GATA4: variants seen among roughly 807,000 people sequenced by gnomAD.
The protein encoded by GATA4 is GATA binding protein 4, also known as transcription factor GATA-4.
Under a neutral mutation model 37.9 loss-of-function variants are expected in GATA4, and 7 were observed. The observed-to-expected ratio is 0.18, with a 90% CI of 0.11 to 0.35. The LOEUF is 0.35. GATA4 is among the 10% of genes least tolerant of loss of function. The pLI is 1.00. For missense variants in GATA4, 647 were observed against 653.0 expected, an observed-to-expected ratio of 0.99 and a Z score of 0.10; for synonymous variants, 372 against 292.6, an observed-to-expected ratio of 1.27 and a Z score of -2.77.
intron 1 of GATA4, among the ~76,000 whole-genome samples, chr8:11,679,615 C>T (rs969807218): frequency 6.6e-6 from 1 of 152,168 alleles, no homozygotes; most frequent in African/African-American, 2.4e-5. Context: ...GCCTGGGCCC[C>T]CCACCTGCCC....
chr8:11,753,909 T>C (rs757857576), intron 4 of GATA4, among the ~76,000 whole-genome samples: 181 of 152,278 alleles, frequency 1.2e-3, no homozygotes, highest in Non-Finnish European at 1.3e-3. Flanking sequence ...AAACCAGATG[T>C]GGGGAAGGCA....
chr8:11,689,885 T>C (rs1289782058), upstream of GATA4, among the ~76,000 whole-genome samples: 1 of 152,052 alleles, frequency 6.6e-6, no homozygotes, highest in Non-Finnish European at 1.5e-5. Context: ...AGAGGGGAGG[T>C]ATCAATTCCT....
upstream of GATA4, among the ~76,000 whole-genome samples, chr8:11,689,378 CTGA>C (rs1477281881): frequency 2.0e-5 from 3 of 152,154 alleles, no homozygotes; most frequent in African/African-American, 7.2e-5. Flanking sequence ...GTGTATATCA[CTGA>C]TGATTACCCA....
At position 11,758,575 on chromosome 8, in the gene GATA4, G is replaced by T; in HGVS notation, c.*100G>T. On this transcript the variant is annotated 3_prime_UTR_variant, in exon 7 of 7. Transcript: ENST00000532059. ...CCCAGGGGCCGGCCTCCTCTGCCTG[G>T]TAATGACTCCAGAACAACAACTGGG... The T allele has an allele frequency of 8.8e-7, 1 of 1,130,854 alleles. No homozygotes were observed. The highest frequency in any genetic ancestry group is 1.3e-6 in the Non-Finnish European group (1 of 747,306). The allele number at this position is 1,130,854 out of a possible 1,614,324, so 70.1% of individuals were successfully genotyped here.
chr8:11,707,040 C>A lies in GATA4; in HGVS notation c.-457-816C>A, dbSNP rs1280761033. Among the ~76,000 whole-genome samples, 1 of 152,122 alleles carries A rather than the reference C, an allele frequency of 6.6e-6. No homozygotes were observed. Among genetic ancestry groups the A allele is most frequent in the Non-Finnish European group, 1.5e-5 (1 of 68,026 alleles). On this transcript the variant is annotated intron_variant, in intron 1 of 6. Coordinates refer to ENST00000532059, the MANE Select transcript of GATA4 (RefSeq NM_001308093.3). The surrounding 1 kb of genome is among the most constrained non-coding windows in gnomAD (Gnocchi z 4.7). Reference sequence around the variant, plus strand: ...CACCCACCTTGGTGTTATGATTCTGCTTATGGGTGGATTTATTATTCTATA... The same window carrying A: ...CACCCACCTTGGTGTTATGATTCTGATTATGGGTGGATTTATTATTCTATA...
At chr8:11,697,839 C>T (rs1423785122) in intron 1 of GATA4, 4 of 985,448 alleles carry the variant, frequency 4.1e-6, no homozygotes, top group Non-Finnish European at 4.8e-6. Flanking sequence ...CCGGCCACCA[C>T]GGGGCGGAGG....
At chr8:11,740,602 G>A (rs1262084307) in intron 2 of GATA4, among the ~76,000 whole-genome samples, 1 of 152,252 alleles carries the variant, frequency 6.6e-6, no homozygotes, top group African/African-American at 2.4e-5. Context: ...ACCTGAGGGT[G>A]ACAGCTGGCA....
At chr8:11,686,347 A>G (rs1212980268) in intron 1 of GATA4, among the ~76,000 whole-genome samples, 5 of 152,176 alleles carry the variant, frequency 3.3e-5, no homozygotes, top group African/African-American at 9.7e-5. Flanking sequence ...TGAATATAGC[A>G]TGAAATATAA....
At chr8:11,744,422 T>G (rs1413921259) in intron 2 of GATA4, among the ~76,000 whole-genome samples, 1 of 152,198 alleles carries the variant, frequency 6.6e-6, no homozygotes, top group Non-Finnish European at 1.5e-5. Context: ...GTTCCCGGGA[T>G]GCCAGCACTG....
At chr8:11,686,732 G>C (rs555787593) in intron 1 of GATA4, among the ~76,000 whole-genome samples, 1 of 152,294 alleles carries the variant, frequency 6.6e-6, no homozygotes. Context: ...GGGCGCAGTA[G>C]CTCATGCCTC....
chr8:11,708,847 G>GCCT lies in GATA4; in HGVS notation c.538_540dup (p.Ser180dup). 6.7e-7 allele frequency: 1 copy of GCCT among 1,498,048 alleles called. No homozygotes were observed. Among genetic ancestry groups the GCCT allele is most frequent in the Non-Finnish European group, 8.8e-7 (1 of 1,131,504 alleles). The allele number at this position is 1,498,048 out of a possible 1,614,324, so 92.8% of individuals were successfully genotyped here. On this transcript the variant is annotated inframe_insertion, in exon 2 of 7. Transcript: ENST00000532059. The surrounding 1 kb of genome is among the most constrained non-coding windows in gnomAD (Gnocchi z 6.7). ...CGCGTCCTGGGCCGCAGCCGCCGCC[G>GCCT]CCTCCGCCGGCCCCTTCGACAGCCC...
intron 1 of GATA4, among the ~76,000 whole-genome samples, chr8:11,681,827 G>T (rs1487402649): frequency 2.0e-5 from 3 of 152,016 alleles, no homozygotes; most frequent in African/African-American, 7.3e-5. Flanking sequence ...TCTTGGCCGT[G>T]GGCAGACCCG....
At chr8:11,694,842 T>C (rs1053108904) in intron 1 of GATA4, among the ~76,000 whole-genome samples, 1 of 150,882 alleles carries the variant, frequency 6.6e-6, no homozygotes, top group Admixed American at 6.6e-5. Context: ...ATCTCTCTCC[T>C]CTCTCTCTCT....
chr8:11,747,928 A>G (rs1290167548), intron 2 of GATA4, among the ~76,000 whole-genome samples: 2 of 152,232 alleles, frequency 1.3e-5, no homozygotes, highest in Non-Finnish European at 2.9e-5. Context: ...TGGCAAAAAT[A>G]TGGATCAACA....
upstream of GATA4, among the ~76,000 whole-genome samples, chr8:11,702,476 C>G (rs371415436): frequency 6.6e-6 from 1 of 151,720 alleles, no homozygotes; most frequent in African/African-American, 2.4e-5. The surrounding 1 kb of genome is among the most constrained non-coding windows in gnomAD (Gnocchi z 4.4). Flanking sequence ...GCTCGCCCCC[C>G]ACGAAGATGA....
chr8:11,689,968 A>G (rs2129970548), upstream of GATA4, among the ~76,000 whole-genome samples: 1 of 152,352 alleles, frequency 6.6e-6, no homozygotes, highest in East Asian at 1.9e-4. Context: ...TGTGCTGGTA[A>G]ATAGGTGTGT....
chr8:11,691,970 A>G (rs79128410), upstream of GATA4: 217 of 977,354 alleles, frequency 2.2e-4, 2 homozygotes, highest in East Asian at 0.019. Flanking sequence ...GTTGCTTACA[A>G]TGTTGACTTT....
At chr8:11,757,642 G>A (rs971910542) in intron 6 of GATA4, among the ~76,000 whole-genome samples, 2 of 152,236 alleles carry the variant, frequency 1.3e-5, no homozygotes, top group African/African-American at 4.8e-5. Context: ...GGCTGGTGGG[G>A]AGGTCACAGG....
At chr8:11,681,452 G>A in intron 1 of GATA4, 7 of 984,202 alleles carry the variant, frequency 7.1e-6, no homozygotes, top group Non-Finnish European at 8.4e-6. Flanking sequence ...CGCAGACGCC[G>A]GAATCCGGGG....
Sources: allele counts gnomAD v4.1 joint callset (sites outside exome capture counted in the v4.1 genomes callset), GRCh38; gene constraint gnomAD v4.1.1; non-coding constraint Gnocchi (gnomAD v3.1); transcripts MANE v1.5; gene names NCBI Gene and HGNC (gene_info 2026-07-23, HGNC 2026-07-21).